The following TMEM232 variants were observed in gnomAD, a reference collection of about 807,000 sequenced individuals.
TMEM232 encodes transmembrane protein 232.
TMEM232 carries 80 observed loss-of-function variants against 78.8 expected under a neutral mutation model. That is an observed-to-expected ratio of 1.01 (90% CI 0.85 to 1.22). TMEM232 has a LOEUF of 1.22. Among genes scored for constraint, TMEM232 ranks in the 50% most tolerant of loss-of-function variants. The pLI, the probability that TMEM232 is intolerant of heterozygous loss-of-function variation, is 0.00. For missense variants in TMEM232, 881 were observed against 742.2 expected, an observed-to-expected ratio of 1.19 and a Z score of -2.17; for synonymous variants, 297 against 254.3, an observed-to-expected ratio of 1.17 and a Z score of -1.60.
intron 11 of TMEM232, among the ~76,000 whole-genome samples, chr5:110,560,381 T>A (rs142496545): frequency 2.0e-4 from 30 of 152,170 alleles, no homozygotes; most frequent in Admixed American, 2.0e-3. Context: ...AAAATGCTTA[T>A]AGAATAATTA....
chr5:110,529,114 T>A (rs750731099), intron 11 of TMEM232, among the ~76,000 whole-genome samples: 2 of 152,196 alleles, frequency 1.3e-5, no homozygotes, highest in Non-Finnish European at 2.9e-5. Context: ...ATACGTGCCG[T>A]GTAAGAATTT....
chr5:110,462,551 A>T (rs766276444), intron 12 of TMEM232, among the ~76,000 whole-genome samples: 1 of 151,946 alleles, frequency 6.6e-6, no homozygotes, highest in Non-Finnish European at 1.5e-5. Flanking sequence ...CGAACATCAG[A>T]CTCCAAGTTC....
chr5:110,500,438 A>C (rs1766138903), intron 12 of TMEM232, among the ~76,000 whole-genome samples: 1 of 152,152 alleles, frequency 6.6e-6, no homozygotes, highest in Admixed American at 6.6e-5. Context: ...TGGAAAGTTA[A>C]AACATACTTT....
chr5:110,724,460 C>T (rs1797964315), intron 1 of TMEM232, among the ~76,000 whole-genome samples: 1 of 152,218 alleles, frequency 6.6e-6, no homozygotes, highest in Non-Finnish European at 1.5e-5. Flanking sequence ...GGTCCCTAAA[C>T]ACTGCTCTTA....
intron 10 of TMEM232, among the ~76,000 whole-genome samples, chr5:110,573,756 G>T (rs1183376937): frequency 1.3e-5 from 2 of 152,014 alleles, no homozygotes; most frequent in African/African-American, 2.4e-5. Context: ...TCTAGCTGAT[G>T]AAGAAGAGTT....
intron 12 of TMEM232, among the ~76,000 whole-genome samples, chr5:110,442,463 G>C (rs1028905854): frequency 5.9e-5 from 9 of 151,712 alleles, no homozygotes; most frequent in Admixed American, 5.9e-4. Context: ...ATCTCTGCTT[G>C]ATTTAAAAAA....
At chr5:110,438,737 A>C (rs993113398) in intron 12 of TMEM232, among the ~76,000 whole-genome samples, 1 of 152,076 alleles carries the variant, frequency 6.6e-6, no homozygotes, top group Non-Finnish European at 1.5e-5. Flanking sequence ...CCTACAACTC[A>C]GTTCAAAAAC....
At chr5:110,672,377 C>T (rs915184677) in intron 1 of TMEM232, among the ~76,000 whole-genome samples, 1 of 152,158 alleles carries the variant, frequency 6.6e-6, no homozygotes. Context: ...TAAATGCTTA[C>T]TCTAAATTTC....
At chr5:110,687,755 T>C (rs1263079375) in intron 1 of TMEM232, among the ~76,000 whole-genome samples, 1 of 152,110 alleles carries the variant, frequency 6.6e-6, no homozygotes, top group Non-Finnish European at 1.5e-5. Context: ...CACACACATA[T>C]TCACATATAC....
chr5:110,441,288 C>A (rs1759013701), intron 12 of TMEM232, among the ~76,000 whole-genome samples: 1 of 152,020 alleles, frequency 6.6e-6, no homozygotes. Context: ...TGACAAGGTC[C>A]CTTGAGAGAC....
At chr5:110,691,565 T>C (rs1413447834) in intron 1 of TMEM232, among the ~76,000 whole-genome samples, 1 of 152,210 alleles carries the variant, frequency 6.6e-6, no homozygotes, top group Non-Finnish European at 1.5e-5. Context: ...ATATGCATAA[T>C]AAAAACTAGG....
At chr5:110,508,122 C>G (rs534032057) in intron 12 of TMEM232, among the ~76,000 whole-genome samples, 55 of 152,132 alleles carry the variant, frequency 3.6e-4, no homozygotes, top group African/African-American at 1.3e-3. Flanking sequence ...AAAAAAACCC[C>G]AAGGGGATCA....
chr5:110,635,488 G>T (rs541606355), intron 5 of TMEM232, among the ~76,000 whole-genome samples: 1 of 151,898 alleles, frequency 6.6e-6, no homozygotes, highest in Non-Finnish European at 1.5e-5. Flanking sequence ...AATACAACAC[G>T]ATCAAATTGG....
intron 1 of TMEM232, among the ~76,000 whole-genome samples, chr5:110,716,227 G>T (rs940695086): frequency 6.6e-6 from 1 of 152,040 alleles, no homozygotes; most frequent in Non-Finnish European, 1.5e-5. Context: ...TACAGCAGGG[G>T]GCCCCGATCT....
At chr5:110,538,647 C>T (rs1292881918) in intron 11 of TMEM232, among the ~76,000 whole-genome samples, 1 of 152,156 alleles carries the variant, frequency 6.6e-6, no homozygotes, top group Non-Finnish European at 1.5e-5. Flanking sequence ...CTGCTCCCAC[C>T]AAGGGGTTCA....
intron 1 of TMEM232, among the ~76,000 whole-genome samples, chr5:110,692,108 A>G (rs1208461255): frequency 6.6e-6 from 1 of 151,960 alleles, no homozygotes; most frequent in Non-Finnish European, 1.5e-5. Context: ...TTTTTAGTAG[A>G]GACGGGGTTT....
intron 11 of TMEM232, among the ~76,000 whole-genome samples, chr5:110,532,102 G>A (rs1771582928): frequency 6.6e-6 from 1 of 152,072 alleles, no homozygotes; most frequent in Non-Finnish European, 1.5e-5. Context: ...TCCTCCCCCA[G>A]GAGCTTGCTA....
intron 10 of TMEM232, among the ~76,000 whole-genome samples, chr5:110,582,656 C>T (rs185905478): frequency 6.6e-6 from 1 of 151,882 alleles, no homozygotes; most frequent in East Asian, 1.9e-4. Flanking sequence ...AAGTGCTAGC[C>T]AGAGCAATTA....
intron 12 of TMEM232, among the ~76,000 whole-genome samples, chr5:110,489,229 A>T (rs1207067520): frequency 6.6e-6 from 1 of 151,752 alleles, no homozygotes; most frequent in African/African-American, 2.4e-5. Flanking sequence ...TTTTCAAAAG[A>T]TCTATATATA....
Sources: gnomAD v4.1 joint callset for allele counts (sites outside exome capture counted in the v4.1 genomes callset) on GRCh38, gnomAD v4.1.1 for gene constraint, MANE v1.5 for transcripts, NCBI Gene and HGNC (gene_info 2026-07-23, HGNC 2026-07-21) for gene names.